Variants in SEMA4B observed in about 807,000 individuals in gnomAD.
SEMA4B encodes the protein semaphorin-4B.
A neutral mutation model predicts 88.1 loss-of-function variants in SEMA4B; 55 were observed. The observed-to-expected ratio is 0.62, with a 90% CI of 0.50 to 0.78. The LOEUF (loss-of-function observed/expected upper bound fraction) is 0.78, where lower values mean the gene tolerates loss of function less well. Among genes scored for constraint, SEMA4B ranks in the 30% least tolerant of loss-of-function variants. The pLI, the probability that SEMA4B is intolerant of heterozygous loss-of-function variation, is 0.00. For synonymous variants in SEMA4B, 525 were observed against 473.6 expected (o/e 1.11, Z -1.41); for missense variants, 1,062 against 1,111.9 (o/e 0.96, Z 0.64).
chr15:90,208,852 C>T (rs898870474), intron 1 of SEMA4B, among the ~76,000 whole-genome samples: 1 of 151,910 alleles, frequency 6.6e-6, no homozygotes, highest in Non-Finnish European at 1.5e-5. Context: ...AGCGATCTTC[C>T]CACCTCAGCC....
intron 1 of SEMA4B, among the ~76,000 whole-genome samples, chr15:90,185,996 C>T (rs1960155098): frequency 7.2e-6 from 1 of 138,508 alleles, no homozygotes; most frequent in Admixed American, 8.0e-5. Context: ...TGCAGTAGCG[C>T]GATCTTGGCT....
At chr15:90,191,069 G>T (rs11633877) in intron 1 of SEMA4B, among the ~76,000 whole-genome samples, 9,331 of 152,308 alleles carry the variant, frequency 0.061, 417 homozygotes, top group Non-Finnish European at 0.094. Flanking sequence ...GGGAGCAGAG[G>T]AGTGACAGTG....
chr15:90,225,716 G>T lies in SEMA4B; in HGVS notation c.1577G>T (p.Cys526Phe). The change falls in exon 12 of 14, where the codon TGC becomes TTC. Residue 526 changes from cysteine (C) to phenylalanine (F), a missense_variant. Cys to Phe is a radical substitution (Grantham distance 205, BLOSUM62 -2). Transcript: ENST00000411539. Reference protein sequence around the residue: ...SGVVQVPMANCSLYRSCGDCL... With the variant: ...SGVVQVPMANFSLYRSCGDCL... ...GTAGTCCAGGTGCCCATGGCCAACT[G>T]CAGCCTGTACAGGAGCTGTGGGGAC... is the stretch of plus-strand genomic sequence containing the variant. 1 of 1,569,250 alleles carries T rather than the reference G, an allele frequency of 6.4e-7. No homozygotes were observed.
At chr15:90,218,491 A>C (rs546922585) in intron 3 of SEMA4B, among the ~76,000 whole-genome samples, 56 of 152,314 alleles carry the variant, frequency 3.7e-4, no homozygotes, top group Non-Finnish European at 6.0e-4. Context: ...CTGGAGATTT[A>C]ATTGTGAAAA....
At chr15:90,196,795 A>G (rs767642855), upstream of SEMA4B, among the ~76,000 whole-genome samples, 1 of 152,174 alleles carries the variant, frequency 6.6e-6, no homozygotes, top group Non-Finnish European at 1.5e-5. Context: ...CCTCTTCTAC[A>G]TTATTAACCA....
chr15:90,197,873 A>T (rs1006007341), upstream of SEMA4B, among the ~76,000 whole-genome samples: 8 of 151,980 alleles, frequency 5.3e-5, no homozygotes, highest in Admixed American at 3.9e-4. Context: ...CTTCAGTGGG[A>T]TGACATCTGA....
intron 7 of SEMA4B, 54 bp from the exon 8 acceptor site, chr15:90,223,505 C>A: frequency 6.8e-7 from 1 of 1,479,046 alleles, no homozygotes; most frequent in Non-Finnish European, 9.0e-7. Flanking sequence ...TGCCGTGCAT[C>A]CCCGTCATGG....
At chr15:90,225,922 C>A in intron 12 of SEMA4B, 95 bp downstream of exon 12, 1 of 969,506 alleles carries the variant, frequency 1.0e-6, no homozygotes, top group East Asian at 3.0e-5. Flanking sequence ...GCCACACAGC[C>A]TCGTTTATGT....
rs150192304 is a variant in SEMA4B at position 90,185,724 on chromosome 15, G to A, written c.-122+643G>A. 2.5e-3 allele frequency among the ~76,000 whole-genome samples: 380 copies of A among 152,230 alleles called. 3 individuals are homozygous for A. The highest frequency in any genetic ancestry group is 8.7e-3 in the African/African-American group (360 of 41,536). ...GTTGAAATGCCTTAAAATTTTGTGCGGGAAGCATACAAACTTTTAAAAAGT... is the reference window on the plus strand; with the variant it reads ...GTTGAAATGCCTTAAAATTTTGTGCAGGAAGCATACAAACTTTTAAAAAGT... On this transcript the variant is annotated intron_variant, in intron 1 of 14. Coordinates refer to the SEMA4B transcript ENST00000332496.
In SEMA4B at chr15:90,212,021, G is replaced by A. The variant is rs1010068249; in HGVS notation, c.158-5418G>A. ...GGTGGGGACTAACCAGGGTGGGGAT[G>A]GTGCTGAGCCCTATTCCTGTCTCAC... On this transcript the variant is annotated intron_variant, in intron 1 of 13. Coordinates refer to ENST00000411539, the MANE Select transcript of SEMA4B (RefSeq NM_198925.4). The surrounding 1 kb of genome is among the most constrained non-coding windows in gnomAD (Gnocchi z 4.0). Among the ~76,000 whole-genome samples the A allele has an allele frequency of 1.3e-5, 2 of 152,176 alleles. No homozygotes were observed. The highest frequency in any genetic ancestry group is 2.9e-5 in the Non-Finnish European group (2 of 68,032).
chr15:90,199,685 GTGTGGTGGCATAAACC>G (rs1960632615), upstream of SEMA4B, among the ~76,000 whole-genome samples: 1 of 152,136 alleles, frequency 6.6e-6, no homozygotes, highest in South Asian at 2.1e-4. Flanking sequence ...AATTAGCGGG[GTGTGGTGGCATAAACC>G]TGTAATCTCA....
At chr15:90,191,871 C>T (rs1208844249) in intron 1 of SEMA4B, 2 of 152,320 alleles carry the variant, frequency 1.3e-5, no homozygotes, top group Non-Finnish European at 2.9e-5. Flanking sequence ...GACTTGGCAG[C>T]CATTGGCTGA....
chr15:90,189,138 AAGG>A (rs1031343986), intron 1 of SEMA4B, among the ~76,000 whole-genome samples: 17 of 151,938 alleles, frequency 1.1e-4, no homozygotes, highest in African/African-American at 3.9e-4. Context: ...GAGGAAGGAA[AAGG>A]AGGAAGTGAG....
At chr15:90,213,791 A>G (rs1961387738) in intron 1 of SEMA4B, among the ~76,000 whole-genome samples, 1 of 152,264 alleles carries the variant, frequency 6.6e-6, no homozygotes, top group African/African-American at 2.4e-5. Context: ...GAACTATGGA[A>G]AAATCCAAAA....
At chr15:90,226,964 A>C (rs1339649578) in intron 12 of SEMA4B, among the ~76,000 whole-genome samples, 1 of 152,112 alleles carries the variant, frequency 6.6e-6, no homozygotes, top group Non-Finnish European at 1.5e-5. Flanking sequence ...AAAAAATTTT[A>C]ATTAAAAAAA....
intron 1 of SEMA4B, among the ~76,000 whole-genome samples, chr15:90,216,754 G>C (rs1215610764): frequency 6.6e-6 from 1 of 152,162 alleles, no homozygotes; most frequent in Non-Finnish European, 1.5e-5. Context: ...CGAGGCAGGA[G>C]AATCACTTGA....
chr15:90,186,717 A>C (rs1960176449), intron 1 of SEMA4B, among the ~76,000 whole-genome samples: 2 of 152,148 alleles, frequency 1.3e-5, no homozygotes, highest in Admixed American at 1.3e-4. Flanking sequence ...ATGGGCGGAG[A>C]GGTCAGGAGA....
chr15:90,203,901 C>T (rs972773852), intron 1 of SEMA4B, among the ~76,000 whole-genome samples: 1 of 152,226 alleles, frequency 6.6e-6, no homozygotes, highest in South Asian at 2.1e-4. Flanking sequence ...GCTACCTGAA[C>T]TTGTGAGCAC....
chr15:90,202,784 T>C (rs1960809015), intron 1 of SEMA4B, among the ~76,000 whole-genome samples: 1 of 152,218 alleles, frequency 6.6e-6, no homozygotes, highest in South Asian at 2.1e-4. Context: ...ATGTATGAAT[T>C]AGAGGTTACA....
Sources: gnomAD v4.1 joint callset for allele counts (sites outside exome capture counted in the v4.1 genomes callset) on GRCh38, gnomAD v4.1.1 for gene constraint, Gnocchi (gnomAD v3.1) non-coding constraint, MANE v1.5 for transcripts, NCBI Gene and HGNC (gene_info 2026-07-23, HGNC 2026-07-21) for gene names.